The following ARMC3 variants were observed in gnomAD, a reference collection of about 807,000 sequenced individuals.
ARMC3 encodes the protein armadillo repeat-containing protein 3.
A neutral mutation model predicts 90.3 loss-of-function variants in ARMC3; 74 were observed. That is an observed-to-expected ratio of 0.82 (90% CI 0.68 to 0.99). ARMC3 has a LOEUF of 0.99. ARMC3 is among the 50% of genes least tolerant of loss of function. ARMC3 has a pLI of 0.00. For missense variants in ARMC3, 958 were observed against 1,042.8 expected (o/e 0.92, Z 1.12); for synonymous variants, 334 against 361.8 (o/e 0.92, Z 0.87).
intron 10 of ARMC3, among the ~76,000 whole-genome samples, chr10:22,986,110 G>GCCCCCCC (rs147031860): frequency 9.8e-5 from 10 of 101,590 alleles, no homozygotes; most frequent in South Asian, 6.8e-4. Context: ...TGCACTGCAC[G>GCCCCCCC]CCCCCCCCCC....
At chr10:22,931,642 G>T (rs940714882) in intron 1 of ARMC3, among the ~76,000 whole-genome samples, 3 of 152,182 alleles carry the variant, frequency 2.0e-5, no homozygotes, top group African/African-American at 7.2e-5. Context: ...ATTCTTGCAG[G>T]TCTCAAAAGT....
In ARMC3 at chr10:23,006,949, G is replaced by A; in HGVS notation, c.1797G>A (p.Arg599=). 6.2e-7 allele frequency: 1 copy of A among 1,612,952 alleles called. No homozygotes were observed. Among genetic ancestry groups the A allele is most frequent in the Non-Finnish European group, 8.5e-7 (1 of 1,179,644 alleles). Residue 599 remains arginine (R), a synonymous_variant, in exon 14 of 19, where the codon CGG becomes CGA. Transcript: ENST00000298032. ...GCTTACAAGAACCAAGTGACCTACG[G>A]GCTGTACTCTTAATCAACAGTAAAT... ...ELCLQEPSDL[R]AVLLINSKSY...
At chr10:22,972,570 T>C (rs1032354301) in intron 8 of ARMC3, among the ~76,000 whole-genome samples, 1 of 152,240 alleles carries the variant, frequency 6.6e-6, no homozygotes, top group African/African-American at 2.4e-5. Flanking sequence ...CCTGTCTTTA[T>C]GTTAGAATCT....
chr10:23,026,043 A>G (rs74124522), intron 16 of ARMC3, among the ~76,000 whole-genome samples: 2,120 of 152,258 alleles, frequency 0.014, 53 homozygotes, highest in African/African-American at 0.048. Context: ...CAAAGATGAA[A>G]TAGACAACAG....
intron 14 of ARMC3, 72 bp from the exon 15 acceptor site, chr10:23,008,203 GT>G: frequency 5.2e-6 from 4 of 776,450 alleles, no homozygotes; most frequent in Non-Finnish European, 8.0e-6. Context: ...AAAAAAATCT[GT>G]TTCGTGGAAT....
rs1254325577 is a variant in ARMC3, at chr10:23,013,054, A to AATTTTT, written c.2045+4145_2045+4150dup. Among the ~76,000 whole-genome samples the AATTTTT allele has an allele frequency of 3.0e-4, 45 of 152,032 alleles. 1 individual carries two copies. The highest frequency in any genetic ancestry group is 9.8e-4 in the Admixed American group (15 of 15,260). On this transcript the variant is annotated intron_variant, in intron 16 of 18. Coordinates refer to ENST00000298032, the MANE Select transcript of ARMC3 (RefSeq NM_173081.5). ...CAGATGCGTGCCATCATGCCCAGCT[A>AATTTTT]ATTTTTATTTTTATTTTTATTTTTA...
chr10:22,966,302 GCATTC>G (rs1835436055), intron 7 of ARMC3, among the ~76,000 whole-genome samples: 2 of 152,344 alleles, frequency 1.3e-5, no homozygotes, highest in East Asian at 3.9e-4. Context: ...TAAGGCTTCA[GCATTC>G]TGCCAAATGA....
intron 18 of ARMC3, among the ~76,000 whole-genome samples, chr10:23,035,073 C>T (rs944142461): frequency 5.9e-5 from 9 of 152,114 alleles, no homozygotes; most frequent in African/African-American, 2.2e-4. Context: ...CTGGGAAGTC[C>T]AAGATCAGAG....
chr10:22,966,596 A>G (rs2131283207), intron 7 of ARMC3, among the ~76,000 whole-genome samples: 1 of 152,304 alleles, frequency 6.6e-6, no homozygotes, highest in South Asian at 2.1e-4. Flanking sequence ...GCATGTGTAT[A>G]TGGGTGTATT....
At position 22,955,787 on chromosome 10, in the gene ARMC3, T is replaced by C; in HGVS notation, c.167-20T>C. 1 of 1,612,982 alleles carries C rather than the reference T, an allele frequency of 6.2e-7. No individual in the cohort carries two copies. The highest frequency in any genetic ancestry group is 8.5e-7 in the Non-Finnish European group (1 of 1,179,534). ...GATCGATAATATCCATGTGTGGTTTTGTTTTACGTGTGATGTCAGGTGAGG... is the reference window on the plus strand; with the variant it reads ...GATCGATAATATCCATGTGTGGTTTCGTTTTACGTGTGATGTCAGGTGAGG... On this transcript the variant is annotated intron_variant, in intron 3 of 18. Coordinates refer to ENST00000298032, the MANE Select transcript of ARMC3 (RefSeq NM_173081.5).
chr10:22,930,914 C>G (rs1307878382), intron 1 of ARMC3, among the ~76,000 whole-genome samples: 1 of 150,972 alleles, frequency 6.6e-6, no homozygotes, highest in African/African-American at 2.4e-5. Context: ...TTCTAATAGA[C>G]ATTAACATCT....
intron 1 of ARMC3, among the ~76,000 whole-genome samples, chr10:22,928,387 A>T (rs759980785): frequency 2.6e-4 from 39 of 152,228 alleles, no homozygotes; most frequent in Non-Finnish European, 4.4e-4. Context: ...TGAGCAACTC[A>T]GAAGTGGCCT....
chr10:23,008,998 T>A, intron 16 of ARMC3, 67 bp downstream of exon 16: 1 of 1,296,266 alleles, frequency 7.7e-7, no homozygotes, highest in Non-Finnish European at 1.1e-6. Context: ...GGCTCTTCAG[T>A]AGGAAGCTTT....
At chr10:23,004,194 G>A (rs1311870356) in intron 13 of ARMC3, among the ~76,000 whole-genome samples, 1 of 151,884 alleles carries the variant, frequency 6.6e-6, no homozygotes, top group Non-Finnish European at 1.5e-5. Context: ...AATGTTGAGA[G>A]AAGTGAAAAG....
chr10:23,009,804 T>C (rs1364584189), intron 16 of ARMC3, among the ~76,000 whole-genome samples: 1 of 152,110 alleles, frequency 6.6e-6, no homozygotes, highest in East Asian at 1.9e-4. Context: ...GCCCCACATG[T>C]TTACATATTT....
At chr10:23,008,521 G>A in intron 15 of ARMC3, 147 bp downstream of exon 15, 1 of 639,208 alleles carries the variant, frequency 1.6e-6, no homozygotes. Context: ...CATTGCTATG[G>A]GAAAGATCTC....
At chr10:22,930,468 AT>A (rs1490812486) in intron 1 of ARMC3, among the ~76,000 whole-genome samples, 2 of 152,240 alleles carry the variant, frequency 1.3e-5, no homozygotes, top group Non-Finnish European at 2.9e-5. Flanking sequence ...TGCAAATGAC[AT>A]TTAATGGGCG....
intron 16 of ARMC3, among the ~76,000 whole-genome samples, chr10:23,018,951 G>A (rs755531709): frequency 6.6e-6 from 1 of 152,170 alleles, no homozygotes; most frequent in African/African-American, 2.4e-5. Context: ...ATTTCCGTGA[G>A]TTCCTTGCAA....
rs1835368130 is a variant in ARMC3 at position 22,964,598 on chromosome 10, C to G, written c.732+2520C>G. On this transcript the variant is annotated intron_variant, in intron 7 of 18. Transcript: ENST00000298032. ...GGATTACAGGCACGTGCCACCACAT[C>G]CAGCTAATTTTTGTATTTTTGGTTG... 2.6e-5 allele frequency among the ~76,000 whole-genome samples: 4 copies of G among 151,978 alleles called. No homozygotes were observed. In the South Asian group the frequency reaches 8.3e-4, roughly 32 times the overall value.
Sources: gnomAD v4.1 joint callset for allele counts (sites outside exome capture counted in the v4.1 genomes callset) on GRCh38, gnomAD v4.1.1 for gene constraint, MANE v1.5 for transcripts, NCBI Gene and HGNC (gene_info 2026-07-23, HGNC 2026-07-21) for gene names.